The following ADAMTSL1 variants were observed in gnomAD, a reference collection of about 807,000 sequenced individuals.
ADAMTSL1 encodes the protein ADAMTS-like protein 1.
ADAMTSL1 carries 126 observed loss-of-function variants against 201.8 expected under a neutral mutation model. The ratio of observed to expected loss-of-function variants is 0.62; its 90% confidence interval spans 0.54 to 0.72. The LOEUF is 0.72. Among genes scored for constraint, ADAMTSL1 ranks in the 30% least tolerant of loss-of-function variants. The pLI is 0.00. For synonymous variants in ADAMTSL1, 1,121 were observed against 903.4 expected, an observed-to-expected ratio of 1.24 and a Z score of -4.32; for missense variants, 2,679 against 2,277.8, an observed-to-expected ratio of 1.18 and a Z score of -3.59.
rs1014169723 is a variant in ADAMTSL1, at chr9:18,474,281, G to A, written c.49G>A (p.Ala17Thr). The A allele has an allele frequency of 6.2e-7, 1 of 1,614,046 alleles. No individual in the cohort carries two copies. Among genetic ancestry groups the A allele is most frequent in the Non-Finnish European group, 8.5e-7 (1 of 1,180,008 alleles). The change falls in exon 1 of 29, where the codon GCT becomes ACT. Residue 17 changes from alanine (A) to threonine (T), a missense_variant. Physicochemically the swap from Ala to Thr is moderately conservative, Grantham distance 58. Transcript: ENST00000380548. ...TCCTGGCACACTGCTCCTCTTTCTG[G>A]CTTTCCTGCTCCTGGTAAATGCCTT... The part of the protein sequence containing the change: ...ATPGTLLLFL[A>T]FLLLSSRTAR...
At chr9:18,025,785 T>A (rs988656752) in intron 1 of ADAMTSL1, among the ~76,000 whole-genome samples, 5 of 152,162 alleles carry the variant, frequency 3.3e-5, no homozygotes, top group African/African-American at 9.7e-5. Context: ...TCTAATTCTC[T>A]GAGAAATTAT....
At chr9:18,206,759 A>T (rs939024021) in intron 2 of ADAMTSL1, among the ~76,000 whole-genome samples, 15 of 152,142 alleles carry the variant, frequency 9.9e-5, no homozygotes, top group African/African-American at 3.4e-4. Flanking sequence ...TGCGTTCCTG[A>T]CTTTTTCTTA....
chr9:18,432,219 G>A (rs1819524537), intron 2 of ADAMTSL1, among the ~76,000 whole-genome samples: 1 of 152,108 alleles, frequency 6.6e-6, no homozygotes, highest in Non-Finnish European at 1.5e-5. Context: ...AATCACTGAT[G>A]AAAATGTTGA....
chr9:18,100,033 G>C (rs971903321), intron 1 of ADAMTSL1, among the ~76,000 whole-genome samples: 4 of 151,934 alleles, frequency 2.6e-5, no homozygotes, highest in Admixed American at 6.6e-5. Context: ...TCTAAGTGCA[G>C]TCACTTCATT....
chr9:18,503,051 T>C (rs78207693), intron 1 of ADAMTSL1, among the ~76,000 whole-genome samples: 1 of 152,146 alleles, frequency 6.6e-6, no homozygotes, highest in Non-Finnish European at 1.5e-5. Flanking sequence ...TAACACAAAA[T>C]TTAACATTTT....
At chr9:18,801,564 G>A (rs920362376) in intron 20 of ADAMTSL1, among the ~76,000 whole-genome samples, 2 of 152,076 alleles carry the variant, frequency 1.3e-5, no homozygotes, top group Non-Finnish European at 2.9e-5. Flanking sequence ...AGGGTCTGTT[G>A]TTCCCCCTTC....
intron 21 of ADAMTSL1, among the ~76,000 whole-genome samples, chr9:18,823,913 C>A (rs954793160): frequency 6.6e-6 from 1 of 152,004 alleles, no homozygotes; most frequent in Non-Finnish European, 1.5e-5. Context: ...TCGCTGGAAC[C>A]CAGGAGGCAG....
chr9:18,893,175 G>A (rs540824701), intron 26 of ADAMTSL1, among the ~76,000 whole-genome samples: 68 of 152,098 alleles, frequency 4.5e-4, no homozygotes, highest in Admixed American at 2.5e-3. Context: ...TTGCCAGGGG[G>A]AATATCGTCT....
chr9:17,963,227 C>G (rs551601623), intron 1 of ADAMTSL1, among the ~76,000 whole-genome samples: 2 of 152,228 alleles, frequency 1.3e-5, no homozygotes, highest in East Asian at 1.9e-4. Context: ...AATTTGAAAT[C>G]TTAGCTATCC....
intron 2 of ADAMTSL1, among the ~76,000 whole-genome samples, chr9:18,365,896 C>G (rs558592600): frequency 1.3e-5 from 2 of 152,204 alleles, no homozygotes; most frequent in African/African-American, 4.8e-5. Context: ...CTATTGTGAA[C>G]TGCACATGGG....
Position 18,681,698 on chromosome 9 carries a change from G to A in ADAMTSL1, c.1342-114G>A, listed in dbSNP as rs529302191. On this transcript the variant is annotated intron_variant, in intron 11 of 28. Coordinates refer to ENST00000380548, the MANE Select transcript of ADAMTSL1 (RefSeq NM_001040272.6). ...ATAAATTTACCAGGAGTCCTCGTGT[G>A]GGGGGGGGGGGCGGGGAAAAAGAAA... is the stretch of plus-strand genomic sequence containing the variant. The A allele has an allele frequency of 1.0e-3, 338 of 322,732 alleles. 5 individuals are homozygous for A. Among genetic ancestry groups the A allele is most frequent in the Middle Eastern group, 3.9e-3 (4 of 1,038 alleles). 20.0% of individuals were successfully genotyped at this position (322,732 alleles called of 1,614,324 possible). A position where few individuals can be genotyped will look rare whatever the true frequency, so the allele number is the denominator to read the frequency against.
intron 1 of ADAMTSL1, among the ~76,000 whole-genome samples, chr9:17,930,313 A>G (rs555898116): frequency 1.4e-4 from 22 of 152,058 alleles, no homozygotes; most frequent in Non-Finnish European, 2.9e-4. Context: ...TGGATGACAT[A>G]TGGGGGAAGG....
intron 13 of ADAMTSL1, among the ~76,000 whole-genome samples, chr9:18,687,540 G>GAGTT (rs1830909656): frequency 6.6e-6 from 1 of 152,176 alleles, no homozygotes; most frequent in African/African-American, 2.4e-5. Context: ...TAACATTGGA[G>GAGTT]AGTTCTGTGG....
chr9:18,627,473 G>A (rs2132711737), intron 5 of ADAMTSL1, among the ~76,000 whole-genome samples: 1 of 152,278 alleles, frequency 6.6e-6, no homozygotes, highest in Middle Eastern at 3.4e-3. Context: ...GGTTCTGGGG[G>A]CGTCAGAAAA....
At chr9:18,324,330 C>T (rs1436980070) in intron 2 of ADAMTSL1, among the ~76,000 whole-genome samples, 1 of 151,766 alleles carries the variant, frequency 6.6e-6, no homozygotes, top group Non-Finnish European at 1.5e-5. Context: ...TGGGCCTAAA[C>T]CTAAAAGCTA....
intron 2 of ADAMTSL1, among the ~76,000 whole-genome samples, chr9:18,281,464 T>G (rs142937073): frequency 6.6e-6 from 1 of 152,158 alleles, no homozygotes; most frequent in African/African-American, 2.4e-5. Flanking sequence ...AGAGGTCTCA[T>G]GAAGCTTCGG....
At chr9:18,741,143 GATAA>G in intron 15 of ADAMTSL1, among the ~76,000 whole-genome samples, 1 of 152,082 alleles carries the variant, frequency 6.6e-6, no homozygotes, top group Non-Finnish European at 1.5e-5. Flanking sequence ...TAATTAAATG[GATAA>G]ATAAATGAAT....
intron 1 of ADAMTSL1, among the ~76,000 whole-genome samples, chr9:18,146,492 G>A (rs1490175332): frequency 6.6e-6 from 1 of 152,130 alleles, no homozygotes; most frequent in South Asian, 2.1e-4. Context: ...ATATGATTCT[G>A]ATTTTATGAC....
At chr9:18,078,331 T>C (rs1207886194) in intron 1 of ADAMTSL1, among the ~76,000 whole-genome samples, 1 of 152,102 alleles carries the variant, frequency 6.6e-6, no homozygotes, top group Admixed American at 6.5e-5. Context: ...GAAATAGAGG[T>C]TCCTGAAGTT....
Sources: gnomAD v4.1 joint callset for allele counts (sites outside exome capture counted in the v4.1 genomes callset) on GRCh38, gnomAD v4.1.1 for gene constraint, MANE v1.5 for transcripts, NCBI Gene and HGNC (gene_info 2026-07-23, HGNC 2026-07-21) for gene names.